CDH12: variants seen among roughly 807,000 people sequenced by gnomAD.
CDH12 encodes cadherin 12.
In CDH12, 41 loss-of-function variants were observed where a neutral mutation model predicts 74.1. The observed-to-expected ratio is 0.55, with a 90% CI of 0.43 to 0.72. The LOEUF (loss-of-function observed/expected upper bound fraction) is 0.72. Among genes scored for constraint, CDH12 ranks in the 30% least tolerant of loss-of-function variants. The pLI is 0.00. For synonymous variants in CDH12, 399 were observed against 355.0 expected, an observed-to-expected ratio of 1.12 and a Z score of -1.39; for missense variants, 945 against 977.2, an observed-to-expected ratio of 0.97 and a Z score of 0.44.
In CDH12 at chr5:22,848,362, TA is replaced by T. The variant is rs1358142780; in HGVS notation, c.-523+4695del. 2.6e-5 allele frequency among the ~76,000 whole-genome samples: 4 copies of T among 152,330 alleles called. No individual in the cohort carries two copies. In the East Asian group the frequency reaches 7.7e-4, roughly 29 times the overall value. On this transcript the variant is annotated intron_variant, in intron 1 of 14. Coordinates refer to ENST00000382254, the MANE Select transcript of CDH12 (RefSeq NM_004061.5). The stretch of plus-strand genomic sequence containing the variant: ...TTGCTGCTTTTTAGTGATTACATTT[TA>T]ACTTACCTAATGTGGTGCCAGATTA...
At chr5:22,819,555 A>G (rs1019248293) in intron 1 of CDH12, among the ~76,000 whole-genome samples, 1 of 152,060 alleles carries the variant, frequency 6.6e-6, no homozygotes, top group Admixed American at 6.6e-5. Context: ...AGCTATGCAA[A>G]CACAAATCTA....
intron 4 of CDH12, among the ~76,000 whole-genome samples, chr5:22,173,986 A>C (rs1749194663): frequency 6.6e-6 from 1 of 151,968 alleles, no homozygotes; most frequent in Non-Finnish European, 1.5e-5. Context: ...TCATAGAATT[A>C]CTAGTATTCT....
intron 2 of CDH12, among the ~76,000 whole-genome samples, chr5:22,434,102 G>A (rs565411140): frequency 2.0e-5 from 3 of 152,252 alleles, no homozygotes; most frequent in South Asian, 4.1e-4. Context: ...CAAAGAAAGA[G>A]TGAGATGTGT....
chr5:22,102,711 G>T (rs1744212208), intron 4 of CDH12, among the ~76,000 whole-genome samples: 1 of 151,800 alleles, frequency 6.6e-6, no homozygotes, highest in Non-Finnish European at 1.5e-5. Flanking sequence ...TAAATAATAA[G>T]AAAATGTAAT....
chr5:22,400,407 A>G (rs1342996474), intron 3 of CDH12, among the ~76,000 whole-genome samples: 1 of 152,132 alleles, frequency 6.6e-6, no homozygotes, highest in Non-Finnish European at 1.5e-5. Flanking sequence ...CCTAAGAATG[A>G]GATTAAATAT....
In CDH12 at chr5:22,589,274, G is replaced by A. The variant is rs144585905; in HGVS notation, c.-522-83910C>T. Among the ~76,000 whole-genome samples the A allele has an allele frequency of 2.1e-3, 321 of 152,200 alleles. 1 individual carries two copies. The highest frequency in any genetic ancestry group is 6.8e-3 in the Middle Eastern group (2 of 294). On this transcript the variant is annotated intron_variant, in intron 1 of 14. Transcript: ENST00000382254. ...AGCCTGTGCCCTAGAATGAAGACAC[G>A]AGGAACAAAACTGGACCCAACTGTA...
At chr5:22,468,234 A>ATT (rs1745813014) in intron 2 of CDH12, among the ~76,000 whole-genome samples, 1 of 152,194 alleles carries the variant, frequency 6.6e-6, no homozygotes, top group Non-Finnish European at 1.5e-5. Context: ...AACCTGTGTG[A>ATT]TTTTGTCACC....
intron 3 of CDH12, among the ~76,000 whole-genome samples, chr5:22,261,587 T>C (rs945331218): frequency 6.6e-6 from 1 of 152,060 alleles, no homozygotes; most frequent in Non-Finnish European, 1.5e-5. Context: ...TGAAGTAAAT[T>C]TGTTTTGCCA....
chr5:22,158,927 T>C (rs1748175318), intron 4 of CDH12, among the ~76,000 whole-genome samples: 1 of 152,150 alleles, frequency 6.6e-6, no homozygotes, highest in South Asian at 2.1e-4. Flanking sequence ...TCTGTGACTC[T>C]TCATAATAGC....
At chr5:22,584,257 AC>A (rs1014738416) in intron 1 of CDH12, among the ~76,000 whole-genome samples, 2 of 151,810 alleles carry the variant, frequency 1.3e-5, no homozygotes, top group African/African-American at 2.4e-5. Flanking sequence ...GCATTATCAC[AC>A]CCAGCTAACT....
At chr5:22,611,414 C>T (rs956157577) in intron 1 of CDH12, among the ~76,000 whole-genome samples, 13 of 152,130 alleles carry the variant, frequency 8.5e-5, no homozygotes, top group Non-Finnish European at 1.5e-4. Context: ...TTCTTAGCAT[C>T]ACCCTGTTAT....
At chr5:22,382,405 C>G (rs913509840) in intron 3 of CDH12, among the ~76,000 whole-genome samples, 34 of 151,584 alleles carry the variant, frequency 2.2e-4, no homozygotes, top group African/African-American at 8.2e-4. Flanking sequence ...CCAGAGGCAC[C>G]CAGTGTCACA....
At chr5:22,381,851 A>G (rs1741771345) in intron 3 of CDH12, among the ~76,000 whole-genome samples, 1 of 151,494 alleles carries the variant, frequency 6.6e-6, no homozygotes, top group Admixed American at 6.6e-5. Flanking sequence ...TGCCGTCTTA[A>G]GTCTAGATTA....
intron 3 of CDH12, among the ~76,000 whole-genome samples, chr5:22,306,623 G>T (rs1265477402): frequency 2.6e-5 from 4 of 152,082 alleles, no homozygotes; most frequent in African/African-American, 9.7e-5. Context: ...ACAGTTTCTA[G>T]CACACACTTT....
chr5:22,822,536 GA>G lies in CDH12; in HGVS notation c.-523+30521del, dbSNP rs1192399800. ...ACAATGAATTCAAAGAAATTTACAA[GA>G]AAAAAACAAACAACCCCATCAAAAA... is the stretch of plus-strand genomic sequence containing the variant. On this transcript the variant is annotated intron_variant, in intron 1 of 14. Transcript: ENST00000382254. 3.3e-5 allele frequency among the ~76,000 whole-genome samples: 5 copies of G among 151,956 alleles called. No homozygotes were observed. In the East Asian group the frequency reaches 5.8e-4, roughly 18 times the overall value.
intron 4 of CDH12, among the ~76,000 whole-genome samples, chr5:22,177,248 A>G (rs1454493749): frequency 6.6e-6 from 1 of 151,984 alleles, no homozygotes; most frequent in Admixed American, 6.6e-5. Flanking sequence ...GAAATCACAA[A>G]TTTCCCTACC....
At chr5:21,924,160 CT>C (rs1754482200) in intron 6 of CDH12, among the ~76,000 whole-genome samples, 1 of 152,118 alleles carries the variant, frequency 6.6e-6, no homozygotes, top group Admixed American at 6.5e-5. Context: ...CAACCATGCA[CT>C]TTTTTCCCTG....
At chr5:22,760,701 CA>C (rs1195139726) in intron 1 of CDH12, among the ~76,000 whole-genome samples, 1,172 of 95,298 alleles carry the variant, frequency 0.012, 13 homozygotes, top group African/African-American at 0.037. Context: ...AAAAAAAAAA[CA>C]AAAAAAAAAA....
chr5:22,026,482 C>A lies in CDH12; in HGVS notation c.232-51097G>T, dbSNP rs1339035777. 2.0e-5 allele frequency among the ~76,000 whole-genome samples: 3 copies of A among 152,150 alleles called. No homozygotes were observed. In the East Asian group the frequency reaches 5.8e-4, roughly 29 times the overall value. ...TCCCATTCCCATCATGCACCTGATG[C>A]TATGACAGTTCCAGATTAACCATAT... On this transcript the variant is annotated intron_variant, in intron 5 of 14. Transcript: ENST00000382254.
Sources: allele counts gnomAD v4.1 joint callset (sites outside exome capture counted in the v4.1 genomes callset), GRCh38; gene constraint gnomAD v4.1.1; transcripts MANE v1.5; gene names NCBI Gene and HGNC (gene_info 2026-07-23, HGNC 2026-07-21).